TXLNB: variants seen among roughly 807,000 people sequenced by gnomAD.
The protein encoded by TXLNB is beta-taxilin.
TXLNB carries 37 observed loss-of-function variants against 57.4 expected under a neutral mutation model. The observed-to-expected ratio is 0.64, with a 90% confidence interval of 0.50 to 0.85. TXLNB has a LOEUF of 0.85. Among genes scored for constraint, TXLNB ranks in the 40% least tolerant of loss-of-function variants. TXLNB has a pLI of 0.00. For synonymous variants in TXLNB, 302 were observed against 309.6 expected, an observed-to-expected ratio of 0.98 and a Z score of 0.26; for missense variants, 848 against 825.6, an observed-to-expected ratio of 1.03 and a Z score of -0.33.
At chr6:139,254,046 C>G (rs916972729) in intron 7 of TXLNB, among the ~76,000 whole-genome samples, 8 of 152,140 alleles carry the variant, frequency 5.3e-5, no homozygotes, top group African/African-American at 1.7e-4. Flanking sequence ...AAAGGATGAT[C>G]TTGAGTTTGT....
intron 4 of TXLNB, among the ~76,000 whole-genome samples, chr6:139,268,402 T>C (rs1776671133): frequency 6.6e-6 from 1 of 152,184 alleles, no homozygotes; most frequent in Non-Finnish European, 1.5e-5. Flanking sequence ...AAGCTAATTG[T>C]TACTTATAGA....
chr6:139,279,157 T>C (rs190587270), intron 2 of TXLNB, among the ~76,000 whole-genome samples: 1 of 152,356 alleles, frequency 6.6e-6, no homozygotes, highest in East Asian at 1.9e-4. Flanking sequence ...TGTACCGACA[T>C]GTGAAACCAT....
the TXLNB span, among the ~76,000 whole-genome samples, chr6:139,308,845 A>G: frequency 0.025 from 3,863 of 152,356 alleles, 79 homozygotes; most frequent in East Asian, 0.098. Flanking sequence ...AGTGGCAAAT[A>G]TAGAAATTAG....
At chr6:139,306,721 T>C in the TXLNB span, among the ~76,000 whole-genome samples, 2 of 152,330 alleles carry the variant, frequency 1.3e-5, no homozygotes, top group African/African-American at 4.8e-5. Context: ...GTTGCAAAGA[T>C]GCAGAAGCTA....
At chr6:139,178,071 G>A in the TXLNB span, 8 of 152,296 alleles carry the variant, frequency 5.3e-5, no homozygotes, top group East Asian at 3.9e-4. Flanking sequence ...CAAAATCAAA[G>A]ATTTGACCTT....
the TXLNB span, chr6:139,176,915 T>G: frequency 1.2e-6 from 1 of 856,780 alleles, no homozygotes; most frequent in Admixed American, 1.7e-5. This position sits in a 1 kb window ranked among gnomAD's most constrained non-coding sequence, Gnocchi z 4.5. Flanking sequence ...AGGGGTGTTG[T>G]GGCTGATGGT....
chr6:139,198,630 T>C, the TXLNB span, among the ~76,000 whole-genome samples: 2 of 152,338 alleles, frequency 1.3e-5, no homozygotes, highest in Non-Finnish European at 1.5e-5. Context: ...CAATTGGTTT[T>C]GGCCAATTGA....
At chr6:139,278,726 C>T (rs1287943269) in intron 2 of TXLNB, among the ~76,000 whole-genome samples, 2 of 152,322 alleles carry the variant, frequency 1.3e-5, no homozygotes, top group Non-Finnish European at 2.9e-5. Flanking sequence ...ACAAAGCTGG[C>T]CAGGCACGGT....
At chr6:139,201,309 C>T in the TXLNB span, among the ~76,000 whole-genome samples, 1 of 152,230 alleles carries the variant, frequency 6.6e-6, no homozygotes, top group Non-Finnish European at 1.5e-5. Context: ...GTCACTCACG[C>T]TGAAGCTCCA....
At position 139,243,109 on chromosome 6, in the gene TXLNB, T is replaced by A. The variant is rs1436323583; in HGVS notation, c.1472A>T (p.Glu491Val). Residue 491 changes from glutamate to valine, a missense_variant, in exon 10 of 10, where the codon GAG becomes GTG. By Grantham distance (121) the Glu-to-Val change is moderately radical (BLOSUM62 -2). Transcript: ENST00000358430. ...NVSVDQEIDA[E>V]EVNSVQTAVK... Reference sequence around the variant, plus strand: ...GGCGGTTTGGACACTATTAACCTCCTCTGCGTCAATCTCTTGATCCACAGA... The same window carrying A: ...GGCGGTTTGGACACTATTAACCTCCACTGCGTCAATCTCTTGATCCACAGA... The A allele has an allele frequency of 4.3e-6, 7 of 1,614,222 alleles. No individual in the cohort carries two copies. The South Asian group carries it at 7.7e-5, about 18-fold the overall frequency.
At chr6:139,260,459 T>C (rs764976650) in intron 5 of TXLNB, 22 bp from the exon 6 acceptor site, 2 of 1,609,092 alleles carry the variant, frequency 1.2e-6, no homozygotes, top group Non-Finnish European at 1.7e-6. Flanking sequence ...AAAGTGTACA[T>C]AGAAAGCTTG....
the TXLNB span, among the ~76,000 whole-genome samples, chr6:139,323,338 A>T: frequency 6.7e-6 from 1 of 148,206 alleles, no homozygotes; most frequent in Admixed American, 6.9e-5. Context: ...GCTGGAGTGC[A>T]ATGGCATGAT....
At position 139,252,355 on chromosome 6, in the gene TXLNB, A is replaced by C. The variant is rs577627289; in HGVS notation, c.1077+3209T>G. Among the ~76,000 whole-genome samples the C allele has an allele frequency of 3.9e-5, 6 of 152,364 alleles. No individual in the cohort carries two copies. In the East Asian group the frequency reaches 5.8e-4, roughly 15 times the overall value. On this transcript the variant is annotated intron_variant, in intron 7 of 9. Transcript: ENST00000358430. ...AATCTGTGATAGAGTTTGTTTTCAA[A>C]GTTTAGAAGTTTTAGAAATATAATG...
intron 7 of TXLNB, 59 bp from the exon 8 acceptor site, chr6:139,247,968 G>A (rs775298881): frequency 1.6e-5 from 16 of 1,025,774 alleles, no homozygotes; most frequent in Admixed American, 7.0e-5. Flanking sequence ...ACATGTCATT[G>A]TTCATTATTT....
chr6:139,186,723 C>A, the TXLNB span, among the ~76,000 whole-genome samples: 1 of 152,140 alleles, frequency 6.6e-6, no homozygotes, highest in African/African-American at 2.4e-5. Context: ...ATCCAAATAC[C>A]CATCAACAGA....
the TXLNB span, among the ~76,000 whole-genome samples, chr6:139,163,770 C>A: frequency 2.9e-4 from 44 of 152,218 alleles, no homozygotes; most frequent in African/African-American, 1.0e-3. Context: ...TCCTTGCATC[C>A]CAGGATTCTT....
chr6:139,204,054 AT>A, the TXLNB span, among the ~76,000 whole-genome samples: 39,406 of 147,986 alleles, frequency 0.27, 5,254 homozygotes, highest in African/African-American at 0.34. Flanking sequence ...TAATGTCCTA[AT>A]TTTTTTTTTT....
chr6:139,206,713 A>G, the TXLNB span, among the ~76,000 whole-genome samples: 1 of 152,110 alleles, frequency 6.6e-6, no homozygotes, highest in East Asian at 1.9e-4. Context: ...AATGGATTTA[A>G]AAAAACCTAC....
intron 2 of TXLNB, among the ~76,000 whole-genome samples, chr6:139,280,677 T>G (rs1346937476): frequency 1.4e-5 from 1 of 73,770 alleles, no homozygotes; most frequent in Non-Finnish European, 2.8e-5. Flanking sequence ...TCTTCCAAAA[T>G]TTTTTTTTTA....
Sources: gnomAD v4.1 joint callset for allele counts (sites outside exome capture counted in the v4.1 genomes callset) on GRCh38, gnomAD v4.1.1 for gene constraint, Gnocchi (gnomAD v3.1) non-coding constraint, MANE v1.5 for transcripts, NCBI Gene and HGNC (gene_info 2026-07-23, HGNC 2026-07-21) for gene names.